The following OR2L13 variants were observed in gnomAD, a reference collection of about 807,000 sequenced individuals.
The protein encoded by OR2L13 is olfactory receptor 2L13.
OR2L13 carries 14 observed loss-of-function variants against 15.3 expected under a neutral mutation model. That is an observed-to-expected ratio of 0.91 (90% confidence interval 0.60 to 1.43). The LOEUF is 1.43. Ranked by LOEUF, OR2L13 falls within the 40% of genes most tolerant of loss-of-function variation. OR2L13 has a pLI of 0.00. For missense variants in OR2L13, 367 were observed against 387.9 expected (o/e 0.95, Z 0.45); for synonymous variants, 152 against 142.9 (o/e 1.06, Z -0.45).
At chr1:248,024,938 G>C in the OR2L13 span, among the ~76,000 whole-genome samples, 5,582 of 152,156 alleles carry the variant, frequency 0.037, 352 homozygotes, top group African/African-American at 0.13. Context: ...TTCCAATTCT[G>C]TGAAGAAAGT....
the OR2L13 span, among the ~76,000 whole-genome samples, chr1:248,042,514 A>C: frequency 3.7e-4 from 56 of 150,772 alleles, no homozygotes; most frequent in Non-Finnish European, 6.5e-4. Context: ...ATAATAAAAA[A>C]TAAATAAACA....
At chr1:248,061,604 G>A in the OR2L13 span, 2 of 1,612,008 alleles carry the variant, frequency 1.2e-6, no homozygotes, top group South Asian at 2.2e-5. Flanking sequence ...CAGAGAATCT[G>A]CTCTGGGAAA....
the OR2L13 span, among the ~76,000 whole-genome samples, chr1:248,012,363 C>G: frequency 6.6e-6 from 1 of 152,064 alleles, no homozygotes; most frequent in Non-Finnish European, 1.5e-5. Context: ...TTCATATGCC[C>G]AAGTCCATGT....
the OR2L13 span, among the ~76,000 whole-genome samples, chr1:247,988,309 G>T: frequency 6.6e-6 from 1 of 151,350 alleles, no homozygotes; most frequent in African/African-American, 2.4e-5. Context: ...TTCCCAATTT[G>T]TCTTTTGAAA....
At chr1:248,064,054 TC>T in the OR2L13 span, among the ~76,000 whole-genome samples, 1 of 152,142 alleles carries the variant, frequency 6.6e-6, no homozygotes, top group African/African-American at 2.4e-5. Context: ...ACGAAGCCAG[TC>T]CTGAGAAGGA....
At chr1:248,035,074 G>A in the OR2L13 span, among the ~76,000 whole-genome samples, 169 of 133,996 alleles carry the variant, frequency 1.3e-3, no homozygotes, top group African/African-American at 4.5e-3. Context: ...TTGTTCAATC[G>A]CTTTGGCTGA....
the OR2L13 span, among the ~76,000 whole-genome samples, chr1:248,036,816 T>G: frequency 6.6e-6 from 1 of 152,192 alleles, no homozygotes; most frequent in Non-Finnish European, 1.5e-5. Flanking sequence ...AGATGTAAAG[T>G]GATTTATTGT....
At chr1:248,088,680 C>A in the OR2L13 span, among the ~76,000 whole-genome samples, 2 of 152,022 alleles carry the variant, frequency 1.3e-5, no homozygotes, top group African/African-American at 4.8e-5. Flanking sequence ...GGCAGGGTAG[C>A]CTGTTCTTTC....
the OR2L13 span, among the ~76,000 whole-genome samples, chr1:247,970,287 A>G: frequency 6.6e-6 from 1 of 152,168 alleles, no homozygotes; most frequent in Non-Finnish European, 1.5e-5. Flanking sequence ...ATGTATACGT[A>G]TGTAACTAAC....
chr1:248,035,050 C>CTT, the OR2L13 span, among the ~76,000 whole-genome samples: 7 of 140,770 alleles, frequency 5.0e-5, no homozygotes, highest in East Asian at 2.0e-4. Flanking sequence ...TTATCTTTCC[C>CTT]TTTTTTTTTT....
chr1:248,026,464 A>T, the OR2L13 span, among the ~76,000 whole-genome samples: 2 of 152,350 alleles, frequency 1.3e-5, no homozygotes, highest in South Asian at 4.1e-4. Context: ...GAAAAACTGG[A>T]AATGATTATG....
the OR2L13 span, chr1:248,021,902 G>A: frequency 3.9e-5 from 58 of 1,491,768 alleles, no homozygotes; most frequent in Non-Finnish European, 5.4e-5. Context: ...TACTGTACTT[G>A]ACTTACCCTT....
the OR2L13 span, among the ~76,000 whole-genome samples, chr1:248,089,510 A>G: frequency 1.3e-5 from 2 of 152,164 alleles, no homozygotes; most frequent in African/African-American, 2.4e-5. Flanking sequence ...GAGATAAAGG[A>G]AAAGCTTAAG....
chr1:248,000,314 C>T, the OR2L13 span, among the ~76,000 whole-genome samples: 853 of 152,166 alleles, frequency 5.6e-3, 12 homozygotes, highest in Middle Eastern at 0.024. Flanking sequence ...GACCATCCTC[C>T]TTGGTTCCCA....
chr1:247,977,641 C>T, the OR2L13 span, among the ~76,000 whole-genome samples: 2 of 152,142 alleles, frequency 1.3e-5, no homozygotes, highest in African/African-American at 2.4e-5. Flanking sequence ...CCAGCTCGCC[C>T]GATAGCCTAC....
At chr1:247,944,823 T>A in the OR2L13 span, among the ~76,000 whole-genome samples, 4 of 152,148 alleles carry the variant, frequency 2.6e-5, no homozygotes, top group Admixed American at 2.0e-4. Context: ...CTCTGATGAT[T>A]GTATTTCTGT....
chr1:247,949,072 A>G, the OR2L13 span: 2 of 1,613,816 alleles, frequency 1.2e-6, no homozygotes, highest in African/African-American at 2.7e-5. Flanking sequence ...GACCTAAATT[A>G]CATCTCCACC....
chr1:247,944,352 T>G, the OR2L13 span, among the ~76,000 whole-genome samples: 3 of 152,200 alleles, frequency 2.0e-5, no homozygotes, highest in Non-Finnish European at 4.4e-5. Context: ...TGTGCAGTTT[T>G]GTTACATAGG....
At chr1:248,000,707 G>C in the OR2L13 span, among the ~76,000 whole-genome samples, 1 of 151,712 alleles carries the variant, frequency 6.6e-6, no homozygotes, top group Non-Finnish European at 1.5e-5. Context: ...TTGGGAACAA[G>C]ACAGAAAATG....
Sources: gnomAD v4.1 joint callset for allele counts (sites outside exome capture counted in the v4.1 genomes callset) on GRCh38, gnomAD v4.1.1 for gene constraint, MANE v1.5 for transcripts, NCBI Gene and HGNC (gene_info 2026-07-23, HGNC 2026-07-21) for gene names.